The following LGR6 variants were observed in gnomAD, a reference collection of about 807,000 sequenced individuals.
LGR6 encodes the protein leucine-rich repeat-containing G protein-coupled receptor 6.
A neutral mutation model predicts 69.4 loss-of-function variants in LGR6; 45 were observed. The ratio of observed to expected loss-of-function variants is 0.65; its 90% CI spans 0.51 to 0.83. The LOEUF (loss-of-function observed/expected upper bound fraction) is 0.83, where lower values mean the gene tolerates loss of function less well. Ranked by LOEUF, LGR6 falls within the 40% of genes least tolerant of loss-of-function variation. The pLI, the probability that LGR6 is intolerant of heterozygous loss-of-function variation, is 0.00. For missense variants in LGR6, 1,108 were observed against 1,246.7 expected, an observed-to-expected ratio of 0.89 and a Z score of 1.68; for synonymous variants, 538 against 555.0, an observed-to-expected ratio of 0.97 and a Z score of 0.43.
chr1:202,269,560 A>G (rs1664930311), intron 4 of LGR6, among the ~76,000 whole-genome samples: 1 of 152,206 alleles, frequency 6.6e-6, no homozygotes, highest in Non-Finnish European at 1.5e-5. Context: ...TGGAGGCATC[A>G]TCTTCCTCTT....
intron 5 of LGR6, among the ~76,000 whole-genome samples, chr1:202,279,458 G>A (rs527337670): frequency 6.6e-6 from 1 of 152,272 alleles, no homozygotes; most frequent in African/African-American, 2.4e-5. Context: ...TCTTCCCCTT[G>A]TCAGTGATTT....
At chr1:202,194,706 GGGGGGGGCGGGTTTCCTAGAAGCT>G (rs1255568932) in intron 1 of LGR6, 38 of 211,012 alleles carry the variant, frequency 1.8e-4, no homozygotes, top group Non-Finnish European at 2.4e-4. Flanking sequence ...TCGTGGGGGC[GGGGGGGGCGGGTTTCCTAGAAGCT>G]GGGAGGGGGG....
At chr1:202,249,244 A>G (rs1426896833) in intron 4 of LGR6, among the ~76,000 whole-genome samples, 1 of 152,172 alleles carries the variant, frequency 6.6e-6, no homozygotes, top group Non-Finnish European at 1.5e-5. Flanking sequence ...GCATAGGAGC[A>G]TGTGATAATG....
intron 1 of LGR6, among the ~76,000 whole-genome samples, chr1:202,205,875 C>A (rs1203147326): frequency 6.8e-6 from 1 of 146,538 alleles, no homozygotes; most frequent in South Asian, 2.2e-4. Context: ...AAACACACAC[C>A]CGTCCTTCAA....
chr1:202,279,451 T>C (rs1665840697), intron 5 of LGR6, among the ~76,000 whole-genome samples: 1 of 152,208 alleles, frequency 6.6e-6, no homozygotes, highest in East Asian at 1.9e-4. Flanking sequence ...CTGATTTTCT[T>C]CCCCTTGTCA....
intron 17 of LGR6, among the ~76,000 whole-genome samples, chr1:202,317,339 GTT>G (rs143394771): frequency 0.14 from 17,539 of 128,148 alleles, 1,064 homozygotes; most frequent in Non-Finnish European, 0.17. Flanking sequence ...GTGTTTTTTT[GTT>G]TTTTTTTTGT....
At chr1:202,195,752 T>G (rs564573535) in intron 1 of LGR6, among the ~76,000 whole-genome samples, 1 of 152,298 alleles carries the variant, frequency 6.6e-6, no homozygotes, top group African/African-American at 2.4e-5. Flanking sequence ...GGAGCCTTTC[T>G]CTGGGTGAGC....
chr1:202,206,126 G>T (rs1011192190), intron 1 of LGR6, among the ~76,000 whole-genome samples: 22 of 152,272 alleles, frequency 1.4e-4, no homozygotes, highest in Non-Finnish European at 2.8e-4. Context: ...TTTGAGGATG[G>T]AGGACACTGG....
At chr1:202,273,922 C>T (rs541496464) in intron 4 of LGR6, among the ~76,000 whole-genome samples, 6 of 152,248 alleles carry the variant, frequency 3.9e-5, no homozygotes, top group African/African-American at 9.6e-5. Flanking sequence ...TGACTTCTTC[C>T]GTGTGGTCCT....
chr1:202,278,658 A>T (rs1665774253), intron 5 of LGR6, among the ~76,000 whole-genome samples: 1 of 152,276 alleles, frequency 6.6e-6, no homozygotes. Context: ...GGACTACAGG[A>T]TGAGCTGTAG....
intron 1 of LGR6, among the ~76,000 whole-genome samples, chr1:202,224,723 G>A (rs188411131): frequency 2.0e-5 from 3 of 152,314 alleles, no homozygotes; most frequent in East Asian, 3.9e-4. Flanking sequence ...CTGACAGGAG[G>A]TGGAGCTCAG....
chr1:202,265,272 TG>T (rs1210846373), intron 4 of LGR6, among the ~76,000 whole-genome samples: 1 of 152,170 alleles, frequency 6.6e-6, no homozygotes. Context: ...TCTGTCACCA[TG>T]GGACTGTCCC....
At position 202,236,420 on chromosome 1, in the gene LGR6, AGGCTCAGATACTCAT is replaced by A. The variant is rs1430523043; in HGVS notation, c.428+428_428+442del. On this transcript the variant is annotated intron_variant, in intron 4 of 17. Coordinates refer to ENST00000367278, the MANE Select transcript of LGR6 (RefSeq NM_001017403.2). ...CTCTGCTGTGGGTGGGAAGGAGGCT[AGGCTCAGATACTCAT>A]TTTCTCTACTTGGGGGTGGGACTGT... The A allele has an allele frequency of 4.2e-5, 8 of 189,206 alleles. No homozygotes were observed. The East Asian group carries it at 1.2e-3, about 29-fold the overall frequency. The allele number at this position is 189,206 out of a possible 1,614,324, so 11.7% of individuals were successfully genotyped here. A position where few individuals can be genotyped will look rare whatever the true frequency, so the allele number is the denominator to read the frequency against.
At chr1:202,297,362 T>C (rs1667236291) in intron 6 of LGR6, 146 bp from the exon 7 acceptor site, 3 of 660,438 alleles carry the variant, frequency 4.5e-6, no homozygotes, top group Admixed American at 5.2e-5. Context: ...CATTCCAAAA[T>C]GTGTTTCCAG....
intron 6 of LGR6, among the ~76,000 whole-genome samples, chr1:202,287,128 A>G (rs1238708054): frequency 1.3e-5 from 2 of 152,220 alleles, no homozygotes; most frequent in African/African-American, 4.8e-5. Flanking sequence ...CCATATCTGT[A>G]GGAAGGAGGA....
At chr1:202,278,410 C>G (rs1269371886) in intron 5 of LGR6, among the ~76,000 whole-genome samples, 1 of 151,948 alleles carries the variant, frequency 6.6e-6, no homozygotes, top group African/African-American at 2.4e-5. Context: ...TGTTATAGAT[C>G]TAGGAGAGAT....
chr1:202,234,580 T>C (rs1218698122), intron 3 of LGR6, among the ~76,000 whole-genome samples: 2 of 152,160 alleles, frequency 1.3e-5, no homozygotes, highest in East Asian at 1.9e-4. Context: ...AATGGTTAAG[T>C]GTCTAGACTG....
Position 202,202,458 on chromosome 1 carries a change from G to A in LGR6, c.212+8257G>A, listed in dbSNP as rs760257179. Among the ~76,000 whole-genome samples, 45 of 152,180 alleles carry A rather than the reference G, an allele frequency of 3.0e-4. 1 individual carries two copies. Among genetic ancestry groups the A allele is most frequent in the African/African-American group, 9.7e-5 (4 of 41,434 alleles). On this transcript the variant is annotated intron_variant, in intron 1 of 17. Transcript: ENST00000367278. ...CCCATCTGGGCACACACCTGGAAGC[G>A]CTGCTATAGAAGAAAGAGTGCATGT...
chr1:202,279,215 G>A (rs1355883642), intron 5 of LGR6, among the ~76,000 whole-genome samples: 1 of 152,196 alleles, frequency 6.6e-6, no homozygotes, highest in Non-Finnish European at 1.5e-5. Context: ...TCCTCAGTAA[G>A]GGGAGATCAC....
Sources: allele counts gnomAD v4.1 joint callset (sites outside exome capture counted in the v4.1 genomes callset), GRCh38; gene constraint gnomAD v4.1.1; transcripts MANE v1.5; gene names NCBI Gene and HGNC (gene_info 2026-07-23, HGNC 2026-07-21).